Variants in FHIT observed in about 807,000 individuals in gnomAD.
FHIT encodes fragile histidine triad diadenosine triphosphatase.
Under a neutral mutation model 17.9 loss-of-function variants are expected in FHIT, and 19 were observed. The observed-to-expected ratio is 1.06, with a 90% CI of 0.74 to 1.56. The LOEUF is 1.56. Ranked by LOEUF, FHIT falls within the 40% of genes most tolerant of loss-of-function variation. The pLI, the probability that FHIT is intolerant of heterozygous loss-of-function variation, is 0.00. For missense variants in FHIT, 248 were observed against 189.2 expected, an observed-to-expected ratio of 1.31 and a Z score of -1.82; for synonymous variants, 81 against 69.7, an observed-to-expected ratio of 1.16 and a Z score of -0.81.
intron 2 of FHIT, among the ~76,000 whole-genome samples, chr3:61,079,027 A>G (rs1292646442): frequency 1.3e-5 from 2 of 152,218 alleles, no homozygotes; most frequent in African/African-American, 4.8e-5. Flanking sequence ...GTCACATTCA[A>G]CTTTTTAAGT....
Position 60,119,958 on chromosome 3 carries a change from C to T in FHIT, c.104-105806G>A, listed in dbSNP as rs114612675. ...TAGGGTCCTGTGAAATCTGTCCTTA[C>T]CCTGCCTTTCTGGTATCACAGTCAT... On this transcript the variant is annotated intron_variant, in intron 5 of 9. Coordinates refer to ENST00000492590, the MANE Select transcript of FHIT (RefSeq NM_002012.4). Among the ~76,000 whole-genome samples, 780 of 152,222 alleles carry T rather than the reference C, an allele frequency of 5.1e-3. 8 individuals are homozygous for T. The highest frequency in any genetic ancestry group is 0.018 in the African/African-American group (736 of 41,524).
intron 2 of FHIT, among the ~76,000 whole-genome samples, chr3:61,049,827 G>T (rs2033959457): frequency 1.3e-5 from 2 of 152,278 alleles, no homozygotes; most frequent in South Asian, 4.1e-4. Context: ...ACCAATGGAA[G>T]GATTTTTTTG....
At chr3:60,575,173 C>T (rs530851397) in intron 4 of FHIT, among the ~76,000 whole-genome samples, 3 of 152,180 alleles carry the variant, frequency 2.0e-5, no homozygotes, top group African/African-American at 4.8e-5. Flanking sequence ...AAAAAGAAAG[C>T]GACTGTTGGA....
intron 8 of FHIT, among the ~76,000 whole-genome samples, chr3:59,819,579 G>C (rs978367674): frequency 6.6e-6 from 1 of 152,150 alleles, no homozygotes; most frequent in Admixed American, 6.5e-5. Flanking sequence ...CCTGGAGGTA[G>C]CCGTATTAGC....
intron 5 of FHIT, among the ~76,000 whole-genome samples, chr3:60,460,464 T>C (rs922255864): frequency 2.6e-5 from 4 of 152,146 alleles, no homozygotes; most frequent in African/African-American, 9.7e-5. Flanking sequence ...ATTACTTCTT[T>C]GGAAAAACTT....
intron 8 of FHIT, among the ~76,000 whole-genome samples, chr3:59,859,467 C>A (rs1702316160): frequency 6.6e-6 from 1 of 152,190 alleles, no homozygotes; most frequent in Admixed American, 6.5e-5. Flanking sequence ...CCTGTAATCC[C>A]AGCACTTTGG....
chr3:60,371,333 A>C (rs988226812), intron 5 of FHIT, among the ~76,000 whole-genome samples: 6 of 151,978 alleles, frequency 3.9e-5, no homozygotes, highest in African/African-American at 1.4e-4. Context: ...TTTATGCTAC[A>C]ACCATTTTAA....
chr3:60,887,013 A>G (rs1178331490), intron 3 of FHIT, among the ~76,000 whole-genome samples: 1 of 152,236 alleles, frequency 6.6e-6, no homozygotes, highest in Non-Finnish European at 1.5e-5. Context: ...TGCAAATGTT[A>G]TCAACTATGT....
chr3:60,845,760 C>A (rs1186245355), intron 3 of FHIT, among the ~76,000 whole-genome samples: 4 of 152,244 alleles, frequency 2.6e-5, no homozygotes, highest in Admixed American at 6.5e-5. Flanking sequence ...GAGCTCTCAG[C>A]CTGCTGTAAA....
chr3:60,005,843 A>C (rs810615), intron 7 of FHIT, among the ~76,000 whole-genome samples: 75,090 of 151,982 alleles, frequency 0.49, 18,748 homozygotes, highest in Admixed American at 0.54. Flanking sequence ...AATCATTTTC[A>C]TCCTCAAGAT....
chr3:60,768,692 C>T (rs140789396), intron 4 of FHIT, among the ~76,000 whole-genome samples: 171 of 152,288 alleles, frequency 1.1e-3, no homozygotes, highest in African/African-American at 4.0e-3. Context: ...CAACGGGCTA[C>T]GAGGAAACAG....
chr3:61,059,467 C>A (rs989069349), intron 2 of FHIT, among the ~76,000 whole-genome samples: 2 of 144,452 alleles, frequency 1.4e-5, no homozygotes, highest in African/African-American at 5.1e-5. Flanking sequence ...TGTCTGGTTA[C>A]ACCTATTCTT....
chr3:60,227,376 GA>G (rs1223929045), intron 5 of FHIT, among the ~76,000 whole-genome samples: 1 of 152,146 alleles, frequency 6.6e-6, no homozygotes, highest in African/African-American at 2.4e-5. Context: ...TCCCACCTCT[GA>G]AAATATTTTC....
Position 60,460,415 on chromosome 3 carries a change from T to TA in FHIT, c.103+76444dup, listed in dbSNP as rs796684753. On this transcript the variant is annotated intron_variant, in intron 5 of 9. Coordinates refer to ENST00000492590, the MANE Select transcript of FHIT (RefSeq NM_002012.4). ...TTTTAAAATTTGCTTTTATATTGGT[T>TA]AAAAAAAAAAGAACCATGAGGAAAC... Among the ~76,000 whole-genome samples the TA allele has an allele frequency of 3.0e-3, 438 of 148,230 alleles. 1 individual carries two copies. Among genetic ancestry groups the TA allele is most frequent in the African/African-American group, 7.8e-3 (317 of 40,504 alleles).
chr3:60,464,833 T>C (rs554587678), intron 5 of FHIT, among the ~76,000 whole-genome samples: 1 of 152,286 alleles, frequency 6.6e-6, no homozygotes, highest in Non-Finnish European at 1.5e-5. Context: ...GGGGTACAGA[T>C]AGCTCTTCAA....
At chr3:60,264,756 T>C (rs143058103) in intron 5 of FHIT, among the ~76,000 whole-genome samples, 232 of 152,064 alleles carry the variant, frequency 1.5e-3, no homozygotes, top group African/African-American at 5.3e-3. Context: ...CATATCAATA[T>C]ATCAAAACCA....
At chr3:61,143,341 A>G (rs2037138648) in intron 2 of FHIT, among the ~76,000 whole-genome samples, 1 of 152,186 alleles carries the variant, frequency 6.6e-6, no homozygotes, top group Non-Finnish European at 1.5e-5. Flanking sequence ...ATGTATGTAT[A>G]ATACATTATA....
At chr3:60,561,697 C>A (rs1559541316) in intron 4 of FHIT, among the ~76,000 whole-genome samples, 1 of 152,126 alleles carries the variant, frequency 6.6e-6, no homozygotes, top group Non-Finnish European at 1.5e-5. Flanking sequence ...GATAGAAGGA[C>A]TGACGGCTCA....
chr3:60,459,188 A>G (rs1191353482), intron 5 of FHIT, among the ~76,000 whole-genome samples: 1 of 152,154 alleles, frequency 6.6e-6, no homozygotes, highest in African/African-American at 2.4e-5. Context: ...TTAATGTTTA[A>G]AATACAAGCT....
Sources: allele counts gnomAD v4.1 joint callset (sites outside exome capture counted in the v4.1 genomes callset), GRCh38; gene constraint gnomAD v4.1.1; transcripts MANE v1.5; gene names NCBI Gene and HGNC (gene_info 2026-07-23, HGNC 2026-07-21).